PPA2: variants seen among roughly 807,000 people sequenced by gnomAD.
The protein encoded by PPA2 is inorganic pyrophosphatase 2, mitochondrial.
PPA2 carries 48 observed loss-of-function variants against 49.5 expected under a neutral mutation model. That is an observed-to-expected ratio of 0.97 (90% CI 0.77 to 1.23). PPA2 has a LOEUF of 1.23. PPA2 is among the 50% of genes most tolerant of loss of function. PPA2 has a pLI of 0.00. For missense variants in PPA2, 429 were observed against 410.1 expected, an observed-to-expected ratio of 1.05 and a Z score of -0.40; for synonymous variants, 131 against 139.9, an observed-to-expected ratio of 0.94 and a Z score of 0.45.
At chr4:105,446,202 T>C (rs1176881584) in intron 5 of PPA2, 181 bp downstream of exon 5, 2 of 525,462 alleles carry the variant, frequency 3.8e-6, no homozygotes, top group Non-Finnish European at 6.3e-6. Flanking sequence ...TAGACATATA[T>C]ATGGTTTAAA....
At chr4:105,369,799 G>A in intron 11 of PPA2, 46 bp from the exon 12 acceptor site, 4 of 1,497,942 alleles carry the variant, frequency 2.7e-6, no homozygotes, top group Non-Finnish European at 1.9e-6. Flanking sequence ...GGGATAAGAG[G>A]AGGGAGAAGG....
intron 7 of PPA2, among the ~76,000 whole-genome samples, chr4:105,412,472 C>G (rs1722806478): frequency 6.6e-6 from 1 of 152,042 alleles, no homozygotes; most frequent in Admixed American, 6.6e-5. Flanking sequence ...CAATAGAAGC[C>G]AAAATTGACA....
At chr4:105,459,512 T>C (rs1723001669) in intron 1 of PPA2, among the ~76,000 whole-genome samples, 1 of 152,246 alleles carries the variant, frequency 6.6e-6, no homozygotes, top group African/African-American at 2.4e-5. Context: ...AGTTTGGCTG[T>C]TTCTTGTAAA....
At chr4:105,382,675 T>C (rs1170026598) in intron 10 of PPA2, among the ~76,000 whole-genome samples, 1 of 151,796 alleles carries the variant, frequency 6.6e-6, no homozygotes, top group African/African-American at 2.4e-5. Flanking sequence ...TAAAATCAGG[T>C]GAAGGTTAAA....
intron 1 of PPA2, among the ~76,000 whole-genome samples, chr4:105,467,949 A>C (rs893999770): frequency 1.3e-5 from 2 of 152,214 alleles, no homozygotes; most frequent in African/African-American, 4.8e-5. Context: ...TCAAGAAGAG[A>C]TGCGGCTAAT....
chr4:105,418,146 G>C (rs1723094378), intron 7 of PPA2, among the ~76,000 whole-genome samples: 1 of 152,210 alleles, frequency 6.6e-6, no homozygotes, highest in African/African-American at 2.4e-5. Context: ...TGATGATGCT[G>C]ATATGCAAGC....
intron 9 of PPA2, among the ~76,000 whole-genome samples, chr4:105,390,617 G>A (rs912597883): frequency 2.6e-5 from 4 of 152,064 alleles, no homozygotes; most frequent in Non-Finnish European, 4.4e-5. Flanking sequence ...ACCATCTTGA[G>A]CCATGAATGG....
intron 3 of PPA2, among the ~76,000 whole-genome samples, chr4:105,452,738 C>G (rs1722722871): frequency 2.0e-5 from 3 of 152,082 alleles, no homozygotes; most frequent in Admixed American, 2.0e-4. Context: ...GAAAAGCTGC[C>G]TGGCATCAGA....
intron 7 of PPA2, among the ~76,000 whole-genome samples, chr4:105,412,910 C>A (rs554015558): frequency 6.6e-6 from 1 of 152,126 alleles, no homozygotes; most frequent in Non-Finnish European, 1.5e-5. Flanking sequence ...TCAACCATTG[C>A]AGAAGACAGT....
In PPA2 at chr4:105,405,959, A is replaced by G. The variant is rs73838090; in HGVS notation, c.656-6795T>C. 6.8e-3 allele frequency: 2,567 copies of G among 378,352 alleles called. 54 individuals carry two copies. Among genetic ancestry groups the G allele is most frequent in the African/African-American group, 0.046 (2,177 of 47,510 alleles). 23.4% of individuals were successfully genotyped at this position (378,352 alleles called of 1,614,324 possible). A position where few individuals can be genotyped will look rare whatever the true frequency, so the allele number is the denominator to read the frequency against. On this transcript the variant is annotated intron_variant, in intron 7 of 11. Transcript: ENST00000341695. ...GAATATTTCTGAGACCTGTATCAAG[A>G]GAAAAAGCAGTTAACAGAAATCAAT...
At chr4:105,409,711 G>C (rs556430030) in intron 7 of PPA2, among the ~76,000 whole-genome samples, 1 of 152,226 alleles carries the variant, frequency 6.6e-6, no homozygotes, top group African/African-American at 2.4e-5. Flanking sequence ...TCAGGCAGCA[G>C]TATTTGCTGT....
At chr4:105,393,900 T>C (rs986128442) in intron 9 of PPA2, among the ~76,000 whole-genome samples, 2 of 152,106 alleles carry the variant, frequency 1.3e-5, no homozygotes, top group Admixed American at 1.3e-4. Flanking sequence ...AATTAAGTTA[T>C]GATAAAGAGA....
At chr4:105,370,902 T>C in intron 10 of PPA2, 29 bp from the exon 11 acceptor site, 1 of 1,449,250 alleles carries the variant, frequency 6.9e-7, no homozygotes. Flanking sequence ...AAAGAATCTC[T>C]GTTACAATAA....
intron 1 of PPA2, among the ~76,000 whole-genome samples, chr4:105,470,641 T>A (rs138259412): frequency 1.3e-5 from 2 of 152,264 alleles, no homozygotes; most frequent in East Asian, 1.9e-4. Context: ...AGGATTTTAG[T>A]CTAATGTCTT....
At chr4:105,403,416 AT>A (rs1271908033) in intron 7 of PPA2, among the ~76,000 whole-genome samples, 1 of 152,170 alleles carries the variant, frequency 6.6e-6, no homozygotes, top group Non-Finnish European at 1.5e-5. Context: ...TGCAGCCATG[AT>A]TTACTTTCAA....
At chr4:105,399,381 C>T (rs1312002470) in intron 7 of PPA2, 1 of 360,392 alleles carries the variant, frequency 2.8e-6, no homozygotes, top group East Asian at 4.5e-5. Flanking sequence ...ACTCTACAAA[C>T]ATTTACAAAG....
In PPA2 at chr4:105,465,447, C is replaced by G. The variant is rs6844912; in HGVS notation, c.157+8447G>C. Among the ~76,000 whole-genome samples, 426 of 152,230 alleles carry G rather than the reference C, an allele frequency of 2.8e-3. 2 individuals are homozygous for G. Among genetic ancestry groups the G allele is most frequent in the African/African-American group, 9.9e-3 (410 of 41,540 alleles). On this transcript the variant is annotated intron_variant, in intron 1 of 11. Transcript: ENST00000341695. ...ATGAACTGGATGCTTTCCGGGCATC[C>G]TAAGACTGCTTCTTTGCTCTCCAGT... is the stretch of plus-strand genomic sequence containing the variant.
At chr4:105,426,191 T>C (rs548709324) in intron 6 of PPA2, among the ~76,000 whole-genome samples, 2 of 152,290 alleles carry the variant, frequency 1.3e-5, no homozygotes, top group Admixed American at 6.5e-5. Flanking sequence ...TTTATTTTAA[T>C]AGTTAAAAAA....
intron 7 of PPA2, among the ~76,000 whole-genome samples, chr4:105,409,917 A>T (rs1722673528): frequency 6.6e-6 from 1 of 152,226 alleles, no homozygotes; most frequent in Non-Finnish European, 1.5e-5. Context: ...GCTCACCAAC[A>T]TCAAAGACCA....
Sources: allele counts gnomAD v4.1 joint callset (sites outside exome capture counted in the v4.1 genomes callset), GRCh38; gene constraint gnomAD v4.1.1; transcripts MANE v1.5; gene names NCBI Gene and HGNC (gene_info 2026-07-23, HGNC 2026-07-21).